Variants in ADGRA1 observed in about 807,000 individuals in gnomAD.
ADGRA1 encodes adhesion G protein-coupled receptor A1.
A neutral mutation model predicts 21.3 loss-of-function variants in ADGRA1; 12 were observed. The observed-to-expected ratio is 0.56, with a 90% CI of 0.36 to 0.91. The LOEUF (loss-of-function observed/expected upper bound fraction) is 0.91. Among genes scored for constraint, ADGRA1 ranks in the 40% least tolerant of loss-of-function variants. ADGRA1 has a pLI of 0.01. For synonymous variants in ADGRA1, 385 were observed against 368.8 expected (o/e 1.04, Z -0.50); for missense variants, 790 against 805.6 (o/e 0.98, Z 0.23).
Position 133,128,421 on chromosome 10 carries a change from A to T in ADGRA1, c.593A>T (p.Tyr198Phe). The T allele has an allele frequency of 6.2e-7, 1 of 1,607,038 alleles. No individual in the cohort carries two copies. Among genetic ancestry groups the T allele is most frequent in the Non-Finnish European group, 8.5e-7 (1 of 1,177,568 alleles). ...ACCTGTGTGTACTTCCTGGGCACCTACGTGCAGCTGCGGCGCCACCCAGGG... is the reference window on the plus strand; with the variant it reads ...ACCTGTGTGTACTTCCTGGGCACCTTCGTGCAGCTGCGGCGCCACCCAGGG... ...LVTCVYFLGT[Y>F]VQLRRHPGRR... Residue 198 changes from tyrosine to phenylalanine, a missense_variant, in exon 7 of 7, where the codon TAC becomes TTC. Tyr to Phe is a conservative substitution (Grantham distance 22). This residue lies in a region of ADGRA1 where 382 missense variants were observed against 415.6 expected (regional missense o/e 0.92). Transcript: ENST00000392607.
In ADGRA1 at chr10:133,087,948, G is replaced by C; in HGVS notation, c.-393G>C. ...CGCAGAGGCGGCGGCGCTGCTGGCC[G>C]GGCTGGGCCGCTCGTGCGCGGGGCT... On this transcript the variant is annotated 5_prime_UTR_variant, in exon 1 of 7. Coordinates refer to ENST00000392607, the MANE Select transcript of ADGRA1 (RefSeq NM_001083909.3). 1 of 985,004 alleles carries C rather than the reference G, an allele frequency of 1.0e-6. No homozygotes were observed. The highest frequency in any genetic ancestry group is 1.2e-6 in the Non-Finnish European group (1 of 829,812). 61.0% of individuals were successfully genotyped at this position (985,004 alleles called of 1,614,324 possible). A position where few individuals can be genotyped will look rare whatever the true frequency, so the allele number is the denominator to read the frequency against.
Position 133,095,376 on chromosome 10 carries a change from C to G in ADGRA1, c.4-1598C>G, listed in dbSNP as rs1851668031. Among the ~76,000 whole-genome samples, 6 of 152,312 alleles carry G rather than the reference C, an allele frequency of 3.9e-5. 2 individuals are homozygous for G. The South Asian group carries it at 1.2e-3, about 32-fold the overall frequency. On this transcript the variant is annotated intron_variant, in intron 2 of 6. Coordinates refer to ENST00000392607, the MANE Select transcript of ADGRA1 (RefSeq NM_001083909.3). ...GGGCCTCAGAGCCAAGCCTGAACCACAGGGCGCTGTCTCTCTGTGGGGTCC... is the reference window on the plus strand; with the variant it reads ...GGGCCTCAGAGCCAAGCCTGAACCAGAGGGCGCTGTCTCTCTGTGGGGTCC...
chr10:133,123,107 T>G (rs1023836042), intron 5 of ADGRA1, among the ~76,000 whole-genome samples: 4 of 152,218 alleles, frequency 2.6e-5, no homozygotes, highest in African/African-American at 9.6e-5. Flanking sequence ...TCAGGTGGTC[T>G]GCAGGCTCGT....
chr10:133,091,221 ACTGGGAGGC>A (rs1314093059), intron 2 of ADGRA1, among the ~76,000 whole-genome samples: 1 of 152,216 alleles, frequency 6.6e-6, no homozygotes, highest in Non-Finnish European at 1.5e-5. Flanking sequence ...GATCCTGCCA[ACTGGGAGGC>A]CTGGGGCTGC....
intron 4 of ADGRA1, among the ~76,000 whole-genome samples, chr10:133,101,355 A>ACC (rs1851790068): frequency 6.6e-6 from 1 of 152,198 alleles, no homozygotes; most frequent in Admixed American, 6.5e-5. Flanking sequence ...CGTGAGCCCC[A>ACC]TTCGCATGCT....
chr10:133,121,128 G>GA (rs1248939213), intron 5 of ADGRA1, among the ~76,000 whole-genome samples: 1 of 152,144 alleles, frequency 6.6e-6, no homozygotes, highest in Non-Finnish European at 1.5e-5. Flanking sequence ...AACTACCATG[G>GA]AAACCCCAAA....
chr10:133,095,295 G>A (rs1371710247), intron 2 of ADGRA1, among the ~76,000 whole-genome samples: 1 of 152,172 alleles, frequency 6.6e-6, no homozygotes, highest in African/African-American at 2.4e-5. Flanking sequence ...GAGTGAGGGT[G>A]GGGCTCTCCT....
At chr10:133,112,453 ACG>A (rs1852059419) in intron 5 of ADGRA1, among the ~76,000 whole-genome samples, 1 of 98,646 alleles carries the variant, frequency 1.0e-5, no homozygotes, top group Admixed American at 9.8e-5. Flanking sequence ...TCTACGGGCC[ACG>A]TCAGTTATTT....
intron 2 of ADGRA1, among the ~76,000 whole-genome samples, chr10:133,093,773 C>T (rs1472929999): frequency 1.3e-5 from 2 of 152,238 alleles, no homozygotes; most frequent in East Asian, 1.9e-4. Context: ...TGCTGGCTCA[C>T]CCCTGTCAGC....
chr10:133,123,926 C>T (rs560747376), intron 5 of ADGRA1, among the ~76,000 whole-genome samples: 1 of 152,326 alleles, frequency 6.6e-6, no homozygotes, highest in East Asian at 1.9e-4. Flanking sequence ...TGTGCAAGGT[C>T]CCTCTTGACG....
chr10:133,094,389 C>G (rs1297687125), intron 2 of ADGRA1, among the ~76,000 whole-genome samples: 1 of 152,252 alleles, frequency 6.6e-6, no homozygotes, highest in Admixed American at 6.5e-5. Context: ...CTCGCAGGCA[C>G]CAGACATCAG....
chr10:133,129,128 C>A lies in ADGRA1; in HGVS notation c.1300C>A (p.Pro434Thr). The change falls in exon 7 of 7, where the codon CCC becomes ACC. Residue 434 changes from proline to threonine, a missense_variant. By Grantham distance (38) the Pro-to-Thr change is conservative. This residue lies in a region of ADGRA1 where 391 missense variants were observed against 351.5 expected (regional missense o/e 1.11). Coordinates refer to ENST00000392607, the MANE Select transcript of ADGRA1 (RefSeq NM_001083909.3). ...CTTTAGCCGGCACCCAGCAGAGGAG[C>A]CCGAGTACGCCTACCACATCCCATC... is the stretch of plus-strand genomic sequence containing the variant. Reference protein sequence around the residue: ...PYFSRHPAEEPEYAYHIPSSL... With the variant: ...PYFSRHPAEETEYAYHIPSSL... 3 of 1,553,344 alleles carry A rather than the reference C, an allele frequency of 1.9e-6. No homozygotes were observed. The highest frequency in any genetic ancestry group is 2.6e-6 in the Non-Finnish European group (3 of 1,148,052).
rs993342054 is a variant in ADGRA1 at position 133,088,722 on chromosome 10, C to T, written c.-188C>T. The T allele has an allele frequency of 9.9e-5, 122 of 1,228,978 alleles. No homozygotes were observed. The highest frequency in any genetic ancestry group is 1.2e-4 in the Non-Finnish European group (117 of 986,796). 76.1% of individuals were successfully genotyped at this position (1,228,978 alleles called of 1,614,324 possible). ...TGTCTTCACAGATGGGAGCAGCTCC[C>T]GGACTGCGCCCGCCCCGCCGCGGTC... On this transcript the variant is annotated 5_prime_UTR_variant, in exon 2 of 7. Coordinates refer to ENST00000392607, the MANE Select transcript of ADGRA1 (RefSeq NM_001083909.3).
chr10:133,096,949 C>T, intron 2 of ADGRA1, 25 bp from the exon 3 acceptor site: 2 of 1,597,846 alleles, frequency 1.3e-6, no homozygotes, highest in Non-Finnish European at 1.7e-6. Context: ...GCCAGTCACA[C>T]ACGTCTCCTT....
chr10:133,111,786 T>A (rs111405238), intron 5 of ADGRA1, among the ~76,000 whole-genome samples: 1,128 of 7,372 alleles, frequency 0.15, 3 homozygotes, highest in Non-Finnish European at 0.19. Context: ...TCCTAATCCC[T>A]CCAGACCACC....
At position 133,130,116 on chromosome 10, in the gene ADGRA1, A is replaced by G. The variant is rs555070101; in HGVS notation, c.*605A>G. 3.3e-5 allele frequency: 5 copies of G among 153,356 alleles called. No individual in the cohort carries two copies. The South Asian group carries it at 6.2e-4, about 19-fold the overall frequency. 9.5% of individuals were successfully genotyped at this position (153,356 alleles called of 1,614,324 possible). A position where few individuals can be genotyped will look rare whatever the true frequency, so the allele number is the denominator to read the frequency against. On this transcript the variant is annotated 3_prime_UTR_variant, in exon 7 of 7. Coordinates refer to ENST00000392607, the MANE Select transcript of ADGRA1 (RefSeq NM_001083909.3). ...TGTCGTGTGTCTGAGCCACCCCTGC[A>G]GCTTCACAGGGCCCCTGCACACCTC...
At chr10:133,117,040 G>A (rs1852172539) in intron 5 of ADGRA1, among the ~76,000 whole-genome samples, 1 of 152,140 alleles carries the variant, frequency 6.6e-6, no homozygotes, top group Admixed American at 6.5e-5. Flanking sequence ...CTCTGTAGTG[G>A]GGTCCAGGGC....
At chr10:133,104,745 C>G (rs984636756) in intron 5 of ADGRA1, among the ~76,000 whole-genome samples, 19 of 152,198 alleles carry the variant, frequency 1.2e-4, no homozygotes, top group Admixed American at 7.2e-4. Context: ...GCCGCCCCCC[C>G]GGTGTCTGGC....
chr10:133,110,455 G>GA (rs60979755), intron 5 of ADGRA1, among the ~76,000 whole-genome samples: 18,818 of 152,292 alleles, frequency 0.12, 1,344 homozygotes, highest in Non-Finnish European at 0.16. Flanking sequence ...ATCAGGCAGT[G>GA]CGTGGGGAAT....
Sources: gnomAD v4.1 joint callset for allele counts (sites outside exome capture counted in the v4.1 genomes callset) on GRCh38, gnomAD v4.1.1 for gene constraint, gnomAD v4.1.1 regional missense constraint, MANE v1.5 for transcripts, NCBI Gene and HGNC (gene_info 2026-07-23, HGNC 2026-07-21) for gene names.